The following RET variants were observed in gnomAD, a reference collection of about 807,000 sequenced individuals.
RET encodes proto-oncogene tyrosine-protein kinase receptor Ret.
In RET, 19 loss-of-function variants were observed where a neutral mutation model predicts 118.3. That is an observed-to-expected ratio of 0.16 (90% CI 0.11 to 0.24). The LOEUF (loss-of-function observed/expected upper bound fraction) is 0.24, where lower values mean the gene tolerates loss of function less well. Among genes scored for constraint, RET ranks in the 10% least tolerant of loss-of-function variants. The pLI, the probability that RET is intolerant of heterozygous loss-of-function variation, is 1.00. For missense variants in RET, 1,219 were observed against 1,502.1 expected, an observed-to-expected ratio of 0.81 and a Z score of 3.12; for synonymous variants, 597 against 644.1, an observed-to-expected ratio of 0.93 and a Z score of 1.11.
In RET at chr10:43,125,021, C is replaced by T. The variant is rs751406735; in HGVS notation, c.3039+39C>T. 11 of 1,585,972 alleles carry T rather than the reference C, an allele frequency of 6.9e-6. No homozygotes were observed. In the South Asian group the frequency reaches 1.2e-4, roughly 18 times the overall value. ...TCCAATTCCCACAAGCTGAAAGTGG[C>T]TTGGGGAGACTCCAGCCTCACCCCA... is the stretch of plus-strand genomic sequence containing the variant. On this transcript the variant is annotated intron_variant, in intron 18 of 19. Transcript: ENST00000355710.
At chr10:43,078,501 G>GT (rs1352526281) in intron 1 of RET, among the ~76,000 whole-genome samples, 2 of 152,354 alleles carry the variant, frequency 1.3e-5, no homozygotes, top group East Asian at 3.9e-4. Context: ...ACCTAGCGAG[G>GT]GACAGGGGAG....
chr10:43,093,403 C>G (rs533381339), intron 1 of RET, among the ~76,000 whole-genome samples: 1 of 151,570 alleles, frequency 6.6e-6, no homozygotes, highest in African/African-American at 2.4e-5. Context: ...GGGGCCATAC[C>G]GTGATGAGAT....
chr10:43,077,315 G>C lies in RET; in HGVS notation c.57G>C (p.Leu19=), dbSNP rs1316429203. 4 of 1,511,512 alleles carry C rather than the reference G, an allele frequency of 2.6e-6. No individual in the cohort carries two copies. Among genetic ancestry groups the C allele is most frequent in the Non-Finnish European group, 3.5e-6 (4 of 1,135,378 alleles). 93.6% of individuals were successfully genotyped at this position (1,511,512 alleles called of 1,614,324 possible). ...AGLRLLLLLL[L]PLLGKVALGL... is the part of the protein sequence containing the mutation. ...TGCGTCTGCTGTTGCTGCTGCTGCT[G>C]CCGCTGCTAGGCAAAGGTGAGTTCT... Residue 19 remains leucine (L), a synonymous_variant, in exon 1 of 20, where the codon CTG becomes CTC. Transcript: ENST00000355710.
chr10:43,127,672 G>A lies in RET; in HGVS notation c.3188-440G>A, dbSNP rs375619258. Among the ~76,000 whole-genome samples, 8 of 152,104 alleles carry A rather than the reference G, an allele frequency of 5.3e-5. No individual in the cohort carries two copies. The South Asian group carries it at 1.0e-3, about 20-fold the overall frequency. ...GCTGACGATGCTATGAGGCTGGCCC[G>A]TGTGCACCCTCGATTTGGAAGGTCC... On this transcript the variant is annotated intron_variant, in intron 19 of 19. Coordinates refer to ENST00000355710, the MANE Select transcript of RET (RefSeq NM_020975.6).
rs764616982 is a variant in RET, at chr10:43,112,125, C to G, written c.1549C>G (p.Leu517Val). 9 of 1,601,552 alleles carry G rather than the reference C, an allele frequency of 5.6e-6. No individual in the cohort carries two copies. The highest frequency in any genetic ancestry group is 1.1e-5 in the South Asian group (1 of 88,684). ...TGTGGCCGAGGAGGCGGGCTGCCCC[C>G]TGTCCTGTGCAGTCAGCAAGAGACG... ...SYVAEEAGCPLSCAVSKRRLE... is the reference protein window; with the variant it reads ...SYVAEEAGCPVSCAVSKRRLE... The change falls in exon 8 of 20, where the codon CTG (leucine) becomes GTG (valine). Residue 517 changes from leucine to valine, a missense_variant. Physicochemically the swap from Leu to Val is conservative, Grantham distance 32. Transcript: ENST00000355710.
chr10:43,115,052 C>T (rs994788980), intron 11 of RET, among the ~76,000 whole-genome samples: 1 of 152,164 alleles, frequency 6.6e-6, no homozygotes, highest in Non-Finnish European at 1.5e-5. Flanking sequence ...GCCTGCAGGT[C>T]TGCATGTGCT....
Position 43,105,008 on chromosome 10 carries a change from G to C in RET, c.682G>C (p.Ala228Pro), listed in dbSNP as rs760813493. The C allele has an allele frequency of 1.2e-4, 196 of 1,594,736 alleles. No individual in the cohort carries two copies. The highest frequency in any genetic ancestry group is 1.6e-4 in the Non-Finnish European group (191 of 1,176,158). ...CAGCCTGGAGGTGAGCACGCGCTGG[G>C]CCCTGGACCGCGAGCAGCGGGAGAA... ...PDSLEVSTRW[A>P]LDREQREKYE... Residue 228 changes from alanine to proline, a missense_variant, in exon 4 of 20, where the codon GCC (alanine) becomes CCC (proline). Physicochemically the swap from Ala to Pro is conservative, Grantham distance 27. Around this residue, in one of 5 missense-constraint regions of RET, gnomAD observed 850 missense variants for 969.6 expected, o/e 0.88. Transcript: ENST00000355710.
At chr10:43,124,131 C>T (rs989371304) in intron 17 of RET, among the ~76,000 whole-genome samples, 2 of 152,004 alleles carry the variant, frequency 1.3e-5, no homozygotes, top group Non-Finnish European at 2.9e-5. Flanking sequence ...CCAGGGGGCA[C>T]GTGTTAAGGG....
chr10:43,120,058 ACT>A, intron 14 of RET, 21 bp from the exon 15 acceptor site: 1 of 1,612,658 alleles, frequency 6.2e-7, no homozygotes, highest in Non-Finnish European at 8.5e-7. Flanking sequence ...TGGCCTGACG[ACT>A]CGTGCTATTT....
intron 1 of RET, among the ~76,000 whole-genome samples, chr10:43,088,969 G>A (rs573314551): frequency 4.3e-4 from 65 of 152,264 alleles, no homozygotes; most frequent in Non-Finnish European, 6.8e-4. Context: ...CCGTCCTGCC[G>A]GGCACTGGCT....
chr10:43,120,877 A>G (rs2742235), intron 15 of RET, among the ~76,000 whole-genome samples: 126,162 of 152,040 alleles, frequency 0.83, 52,876 homozygotes, highest in African/African-American at 0.91. Flanking sequence ...GGCAAGTTCA[A>G]GGGGCTGCTC....
At chr10:43,111,084 G>T (rs1194508651) in intron 6 of RET, 123 bp from the exon 7 acceptor site, 6 of 1,388,108 alleles carry the variant, frequency 4.3e-6, no homozygotes, top group Non-Finnish European at 6.0e-6. Context: ...GCTCGGGGGG[G>T]CTGCTGTCTC....
At chr10:43,094,433 G>C (rs1043605740) in intron 1 of RET, among the ~76,000 whole-genome samples, 4 of 152,246 alleles carry the variant, frequency 2.6e-5, no homozygotes, top group Admixed American at 2.6e-4. Flanking sequence ...AATTCATGCA[G>C]TTTTTGGATC....
Position 43,087,064 on chromosome 10 carries a change from G to A in RET, c.73+9733G>A, listed in dbSNP as rs188104560. ...GCAGTTCTACCATGGGTGTGCAGCG[G>A]GAATTCTGGGCTTCTGTTTTCTGGC... On this transcript the variant is annotated intron_variant, in intron 1 of 19. Transcript: ENST00000355710. 4.6e-5 allele frequency among the ~76,000 whole-genome samples: 7 copies of A among 152,372 alleles called. No homozygotes were observed. The East Asian group carries it at 1.3e-3, about 29-fold the overall frequency.
At chr10:43,092,893 T>G (rs1021879755) in intron 1 of RET, among the ~76,000 whole-genome samples, 5 of 152,188 alleles carry the variant, frequency 3.3e-5, no homozygotes, top group Admixed American at 6.5e-5. Context: ...TGCCCGTGGC[T>G]CCAGTGCCCG....
At position 43,102,816 on chromosome 10, in the gene RET, A is replaced by G. The variant is rs147398297; in HGVS notation, c.625+187A>G. 1.9e-4 allele frequency: 130 copies of G among 694,664 alleles called. 2 individuals are homozygous for G. Among genetic ancestry groups the G allele is most frequent in the Non-Finnish European group, 2.8e-4 (116 of 411,602 alleles). 43.0% of individuals were successfully genotyped at this position (694,664 alleles called of 1,614,324 possible). A position where few individuals can be genotyped will look rare whatever the true frequency, so the allele number is the denominator to read the frequency against. ...TGTTCTAGGAGCTAAGGATATAACAATGAACACAACGGGTTGGAATCTTGC... is the reference window on the plus strand; with the variant it reads ...TGTTCTAGGAGCTAAGGATATAACAGTGAACACAACGGGTTGGAATCTTGC... On this transcript the variant is annotated intron_variant, in intron 3 of 19. Transcript: ENST00000355710.
intron 1 of RET, among the ~76,000 whole-genome samples, chr10:43,085,091 G>A (rs1171635040): frequency 1.3e-5 from 2 of 152,234 alleles, no homozygotes; most frequent in Non-Finnish European, 2.9e-5. Context: ...CAGCTCTGGA[G>A]GCCAGCATGG....
rs768217520 is a variant in RET at position 43,116,656 on chromosome 10, A to C, written c.2209A>C (p.Lys737Gln). The C allele has an allele frequency of 1.9e-6, 3 of 1,614,192 alleles. No individual in the cohort carries two copies. Among genetic ancestry groups the C allele is most frequent in the Non-Finnish European group, 2.5e-6 (3 of 1,180,026 alleles). Residue 737 changes from lysine to glutamine, a missense_variant, in exon 12 of 20, where the codon AAA (lysine) becomes CAA (glutamine). Physicochemically the swap from Lys to Gln is moderately conservative, Grantham distance 53. Transcript: ENST00000355710. Reference sequence around the variant, plus strand: ...AACTCTAGGAGAAGGCGAATTTGGAAAAGTGGTCAAGGCAACGGCCTTCCA... The same window carrying C: ...AACTCTAGGAGAAGGCGAATTTGGACAAGTGGTCAAGGCAACGGCCTTCCA... Reference protein sequence around the residue: ...GKTLGEGEFGKVVKATAFHLK... With the variant: ...GKTLGEGEFGQVVKATAFHLK...
chr10:43,079,597 G>GTTGT (rs1837133372), intron 1 of RET, among the ~76,000 whole-genome samples: 1 of 152,212 alleles, frequency 6.6e-6, no homozygotes, highest in Non-Finnish European at 1.5e-5. Flanking sequence ...ACCTCCCACA[G>GTTGT]CTCCTCAGCA....
Sources: gnomAD v4.1 joint callset for allele counts (sites outside exome capture counted in the v4.1 genomes callset) on GRCh38, gnomAD v4.1.1 for gene constraint, gnomAD v4.1.1 regional missense constraint, MANE v1.5 for transcripts, NCBI Gene and HGNC (gene_info 2026-07-23, HGNC 2026-07-21) for gene names.